The following ABR variants were observed in gnomAD, a reference collection of about 807,000 sequenced individuals.
The protein encoded by ABR is ABR activator of RhoGEF and GTPase, also known as active breakpoint cluster region-related protein.
Under a neutral mutation model 107.2 loss-of-function variants are expected in ABR, and 35 were observed. That is an observed-to-expected ratio of 0.33 (90% CI 0.25 to 0.43). The LOEUF (loss-of-function observed/expected upper bound fraction) is 0.43. Ranked by LOEUF, ABR falls within the 20% of genes least tolerant of loss-of-function variation. The probability of loss-of-function intolerance (pLI) is 1.00; values close to 1 mark genes in which losing one functional copy is unlikely to be tolerated. For missense variants in ABR, 815 were observed against 1,115.2 expected, an observed-to-expected ratio of 0.73 and a Z score of 3.83; for synonymous variants, 498 against 462.0, an observed-to-expected ratio of 1.08 and a Z score of -1.00.
chr17:1,031,545 CCCGCA>C, intron 16 of ABR: 1 of 600,734 alleles, frequency 1.7e-6, no homozygotes, highest in Non-Finnish European at 2.4e-6. Context: ...CCCCCCGAGC[CCCGCA>C]GCGCCCCCGA....
In ABR at chr17:1,005,803, A is replaced by G. The variant is rs185224914; in HGVS notation, c.*277T>C. On this transcript the variant is annotated 3_prime_UTR_variant, in exon 23 of 23. Coordinates refer to ENST00000302538, the MANE Select transcript of ABR (RefSeq NM_021962.5). The stretch of plus-strand genomic sequence containing the variant: ...CGGTCACTACCTTTTCTGCCTGACA[A>G]GTGTACATAAAACAATTCCCGAACA... The G allele has an allele frequency of 6.0e-5, 30 of 501,830 alleles. No homozygotes were observed. Among genetic ancestry groups the G allele is most frequent in the African/African-American group, 5.6e-4 (29 of 51,516 alleles). The allele number at this position is 501,830 out of a possible 1,614,324, so 31.1% of individuals were successfully genotyped here.
chr17:1,021,887 G>A (rs1297239719), intron 16 of ABR, among the ~76,000 whole-genome samples: 7 of 151,472 alleles, frequency 4.6e-5, no homozygotes, highest in South Asian at 2.1e-4. Context: ...AGCCGGGCGC[G>A]GTGGCTCATG....
chr17:1,013,303 C>G (rs922164597), intron 16 of ABR, 139 bp from the exon 17 acceptor site: 1 of 874,046 alleles, frequency 1.1e-6, no homozygotes, highest in African/African-American at 1.7e-5. Flanking sequence ...TGATGTTTAC[C>G]TGGAAATCAA....
chr17:1,113,679 G>A (rs2038846430), intron 2 of ABR, among the ~76,000 whole-genome samples: 1 of 152,134 alleles, frequency 6.6e-6, no homozygotes, highest in East Asian at 1.9e-4. Flanking sequence ...GCCCGCTGGT[G>A]CCCTCAGAGC....
At chr17:1,016,208 G>GTCC (rs1219660337) in intron 16 of ABR, among the ~76,000 whole-genome samples, 2 of 152,002 alleles carry the variant, frequency 1.3e-5, no homozygotes, top group African/African-American at 4.8e-5. Flanking sequence ...TGAAAATTGA[G>GTCC]TCCTCCATCA....
At chr17:1,035,242 C>A (rs1390144240) in intron 16 of ABR, among the ~76,000 whole-genome samples, 1 of 151,500 alleles carries the variant, frequency 6.6e-6, no homozygotes, top group African/African-American at 2.4e-5. Context: ...CCACCACGGA[C>A]CCCTCCTCAT....
intron 16 of ABR, among the ~76,000 whole-genome samples, chr17:1,038,408 C>T (rs1372951072): frequency 1.3e-5 from 2 of 152,220 alleles, no homozygotes; most frequent in Admixed American, 6.5e-5. Flanking sequence ...AAACTCAGGG[C>T]TTTTGCTCAG....
At chr17:1,016,836 C>T (rs772045393) in intron 16 of ABR, among the ~76,000 whole-genome samples, 8 of 152,236 alleles carry the variant, frequency 5.3e-5, no homozygotes, top group Non-Finnish European at 8.8e-5. Flanking sequence ...GCCCTCAGAA[C>T]GTCTCTGTGC....
At chr17:1,043,851 G>C (rs890481930) in intron 16 of ABR, among the ~76,000 whole-genome samples, 5 of 152,252 alleles carry the variant, frequency 3.3e-5, no homozygotes, top group Admixed American at 2.6e-4. Flanking sequence ...GAGGTGGACT[G>C]TGGGGTGGGG....
At chr17:1,104,587 G>C (rs1567763928) in intron 2 of ABR, among the ~76,000 whole-genome samples, 1 of 152,194 alleles carries the variant, frequency 6.6e-6, no homozygotes, top group Non-Finnish European at 1.5e-5. Context: ...ACTGGGCCTG[G>C]GGGTGGGGGT....
At chr17:1,053,975 C>T (rs2032904780) in intron 14 of ABR, among the ~76,000 whole-genome samples, 1 of 152,188 alleles carries the variant, frequency 6.6e-6, no homozygotes. Flanking sequence ...AACAAGCAGC[C>T]TGAGGGACCG....
In ABR at chr17:1,011,446, C is replaced by CT. The variant is rs1361139873; in HGVS notation, c.2101+399dup. 5.9e-6 allele frequency: 1 copy of CT among 170,138 alleles called. No individual in the cohort carries two copies. The highest frequency in any genetic ancestry group is 2.4e-5 in the African/African-American group (1 of 41,944). 10.5% of individuals were successfully genotyped at this position (170,138 alleles called of 1,614,324 possible). A position where few individuals can be genotyped will look rare whatever the true frequency, so the allele number is the denominator to read the frequency against. ...AAAGGTCAGGCCTCACCATGGTGGGCTTCACGCAGAGGCAGCACTGCCCCA... is the reference window on the plus strand; with the variant it reads ...AAAGGTCAGGCCTCACCATGGTGGGCTTTCACGCAGAGGCAGCACTGCCCCA... On this transcript the variant is annotated intron_variant, in intron 19 of 22. Coordinates refer to ENST00000302538, the MANE Select transcript of ABR (RefSeq NM_021962.5). This position sits in a 1 kb window ranked among gnomAD's most constrained non-coding sequence, Gnocchi z 4.8.
Position 1,070,103 on chromosome 17 carries a change from GCAGACCCCC to G in ABR, c.895-22_895-14del. On this transcript the variant is annotated splice_polypyrimidine_tract_variant and intron_variant, in intron 8 of 22. Transcript: ENST00000302538. This position sits in a 1 kb window ranked among gnomAD's most constrained non-coding sequence, Gnocchi z 4.2. ...CCAGCTGTCGCGTCTGAGGGAGATG[GCAGACCCCC>G]CAGCCTGCTCAGAGGGGAATGCGGC... 6.2e-7 allele frequency: 1 copy of G among 1,613,200 alleles called. No homozygotes were observed. Among genetic ancestry groups the G allele is most frequent in the Non-Finnish European group, 8.5e-7 (1 of 1,179,722 alleles).
intron 1 of ABR, among the ~76,000 whole-genome samples, chr17:1,146,609 CATGACACCACTGCCACCACTGCCA>C (rs2040536871): frequency 6.6e-6 from 1 of 151,696 alleles, no homozygotes; most frequent in Admixed American, 6.6e-5. Flanking sequence ...ACCACTGCCA[CATGACACCACTGCCACCACTGCCA>C]CATGCCACCA....
At chr17:1,059,381 T>C (rs1290954083) in intron 10 of ABR, among the ~76,000 whole-genome samples, 1 of 152,226 alleles carries the variant, frequency 6.6e-6, no homozygotes, top group East Asian at 1.9e-4. Flanking sequence ...CGGGGTGCTA[T>C]GCCTCCTTCT....
chr17:1,215,886 G>A (rs1395888319), intron 1 of ABR, among the ~76,000 whole-genome samples: 6 of 110,362 alleles, frequency 5.4e-5, no homozygotes, highest in South Asian at 3.2e-4. Flanking sequence ...CCCAACCCCC[G>A]TGCTCTCTGA....
chr17:1,043,951 C>G (rs2031112673), intron 16 of ABR, among the ~76,000 whole-genome samples: 1 of 152,250 alleles, frequency 6.6e-6, no homozygotes, highest in Admixed American at 6.5e-5. Flanking sequence ...TAAGTAGCTT[C>G]TTGGTCTCAG....
At chr17:1,034,609 T>C (rs1179026602) in intron 16 of ABR, among the ~76,000 whole-genome samples, 1 of 152,110 alleles carries the variant, frequency 6.6e-6, no homozygotes, top group Non-Finnish European at 1.5e-5. Context: ...CTCGGGGCTG[T>C]AGGGAAAGGC....
At chr17:1,205,308 A>C (rs1182498807) in intron 1 of ABR, among the ~76,000 whole-genome samples, 1 of 152,226 alleles carries the variant, frequency 6.6e-6, no homozygotes, top group Non-Finnish European at 1.5e-5. Flanking sequence ...CTAATAATAC[A>C]AACCTCTCTG....
Sources: allele counts gnomAD v4.1 joint callset (sites outside exome capture counted in the v4.1 genomes callset), GRCh38; gene constraint gnomAD v4.1.1; non-coding constraint Gnocchi (gnomAD v3.1); transcripts MANE v1.5; gene names NCBI Gene and HGNC (gene_info 2026-07-23, HGNC 2026-07-21).